PAK1: variants seen among roughly 807,000 people sequenced by gnomAD.
The protein encoded by PAK1 is p21 (RAC1) activated kinase 1.
PAK1 carries 29 observed loss-of-function variants against 67.4 expected under a neutral mutation model. That is an observed-to-expected ratio of 0.43 (90% CI 0.32 to 0.59). PAK1 has a LOEUF of 0.59. Ranked by LOEUF, PAK1 falls within the 20% of genes least tolerant of loss-of-function variation. The pLI, the probability that PAK1 is intolerant of heterozygous loss-of-function variation, is 0.07. For synonymous variants in PAK1, 223 were observed against 237.4 expected (o/e 0.94, Z 0.56); for missense variants, 337 against 670.7 (o/e 0.50, Z 5.50).
intron 1 of PAK1, among the ~76,000 whole-genome samples, chr11:77,461,145 AT>A (rs1180571449): frequency 2.0e-5 from 3 of 152,226 alleles, no homozygotes; most frequent in Non-Finnish European, 4.4e-5. Flanking sequence ...ACCTATAGAA[AT>A]TTATTCTAAA....
the PAK1 span, among the ~76,000 whole-genome samples, chr11:77,488,451 G>A: frequency 4.6e-5 from 7 of 152,048 alleles, no homozygotes; most frequent in African/African-American, 1.4e-4. Flanking sequence ...ACTAAATCAG[G>A]CACCAGTGAC....
At chr11:77,367,771 G>A (rs978446809) in intron 5 of PAK1, among the ~76,000 whole-genome samples, 2 of 152,196 alleles carry the variant, frequency 1.3e-5, no homozygotes, top group South Asian at 2.1e-4. Flanking sequence ...AACCTCAGGA[G>A]ATCGAAATCA....
chr11:77,373,997 G>T (rs986307731), intron 5 of PAK1, among the ~76,000 whole-genome samples: 2 of 152,066 alleles, frequency 1.3e-5, no homozygotes, highest in African/African-American at 4.8e-5. Context: ...CTTTCCCAAG[G>T]TTCAAAGCTA....
chr11:77,369,806 A>C (rs1592008502), intron 5 of PAK1, among the ~76,000 whole-genome samples: 1 of 152,070 alleles, frequency 6.6e-6, no homozygotes, highest in East Asian at 1.9e-4. Context: ...TGATTGCTCT[A>C]ATAGCAGGGT....
intron 1 of PAK1, among the ~76,000 whole-genome samples, chr11:77,444,471 C>T (rs1335707390): frequency 1.3e-5 from 2 of 152,112 alleles, no homozygotes; most frequent in Admixed American, 1.3e-4. Flanking sequence ...GAGAAATGTC[C>T]TGATTCACCC....
At chr11:77,328,289 T>C (rs1269184670) in intron 14 of PAK1, among the ~76,000 whole-genome samples, 2 of 152,144 alleles carry the variant, frequency 1.3e-5, no homozygotes, top group South Asian at 2.1e-4. Context: ...GAGGACCTAA[T>C]AGACATCTAC....
Position 77,408,532 on chromosome 11 carries a change from TACACAC to T in PAK1, c.-21-15997_-21-15992del, listed in dbSNP as rs377689850. Among the ~76,000 whole-genome samples the T allele has an allele frequency of 2.8e-3, 381 of 137,936 alleles. 3 individuals are homozygous for T. Among genetic ancestry groups the T allele is most frequent in the African/African-American group, 8.2e-3 (313 of 38,182 alleles). The allele number at this position is 137,936 out of a possible 152,430, so 90.5% of individuals were successfully genotyped here. A position where few individuals can be genotyped will look rare whatever the true frequency, so the allele number is the denominator to read the frequency against. ...AATTAGTAGAGCCACTATGGAGAAA[TACACAC>T]ACACACACACACACACACACACACA... is the stretch of plus-strand genomic sequence containing the variant. On this transcript the variant is annotated intron_variant, in intron 1 of 14. Coordinates refer to ENST00000356341, the MANE Select transcript of PAK1 (RefSeq NM_002576.5).
intron 1 of PAK1, among the ~76,000 whole-genome samples, chr11:77,462,345 T>C (rs1315905760): frequency 1.4e-5 from 2 of 143,916 alleles, no homozygotes; most frequent in Non-Finnish European, 3.0e-5. Flanking sequence ...AAAAAAAAAA[T>C]GTTCCGCATC....
chr11:77,478,034 G>C (rs1387886960), upstream of PAK1, among the ~76,000 whole-genome samples: 1 of 152,204 alleles, frequency 6.6e-6, no homozygotes, highest in African/African-American at 2.4e-5. Context: ...ACCATGTATA[G>C]GATGCTACGT....
chr11:77,386,806 C>T (rs1017146313), intron 2 of PAK1, among the ~76,000 whole-genome samples: 1 of 152,176 alleles, frequency 6.6e-6, no homozygotes, highest in Non-Finnish European at 1.5e-5. Context: ...CAGAATTTTG[C>T]TCTGTCACCC....
At chr11:77,429,328 T>C (rs1473318945) in intron 1 of PAK1, among the ~76,000 whole-genome samples, 2 of 152,144 alleles carry the variant, frequency 1.3e-5, no homozygotes, top group Admixed American at 6.6e-5. Flanking sequence ...AATGAGTCCA[T>C]ACTGATATAA....
chr11:77,445,244 C>A (rs950795421), intron 1 of PAK1, among the ~76,000 whole-genome samples: 10 of 152,292 alleles, frequency 6.6e-5, no homozygotes, highest in Admixed American at 2.0e-4. Flanking sequence ...AGAGGCCAGG[C>A]ACCTCCAGAG....
chr11:77,466,544 G>A (rs1005287848), intron 1 of PAK1, among the ~76,000 whole-genome samples: 6 of 151,822 alleles, frequency 4.0e-5, no homozygotes, highest in Non-Finnish European at 7.4e-5. Context: ...CAGAGCTTGC[G>A]GTGAGCCGAC....
intron 1 of PAK1, among the ~76,000 whole-genome samples, chr11:77,466,750 C>A (rs1389736271): frequency 1.3e-5 from 2 of 152,152 alleles, no homozygotes; most frequent in African/African-American, 2.4e-5. Flanking sequence ...TGATTCCCTA[C>A]CACACCGCAA....
intron 1 of PAK1, among the ~76,000 whole-genome samples, chr11:77,429,841 T>G (rs1955777630): frequency 2.0e-5 from 3 of 152,246 alleles, no homozygotes; most frequent in African/African-American, 7.2e-5. Context: ...GTTTATTTCC[T>G]GATTTTGATG....
At chr11:77,474,265 C>T (rs969390901), upstream of PAK1, 3 of 151,522 alleles carry the variant, frequency 2.0e-5, no homozygotes, top group Admixed American at 6.6e-5. Context: ...CCCCGCCTCC[C>T]GCAGGTGAGA....
chr11:77,495,319 C>G, the PAK1 span, among the ~76,000 whole-genome samples: 1 of 150,690 alleles, frequency 6.6e-6, no homozygotes, highest in Admixed American at 6.6e-5. Flanking sequence ...ACTAAAAATA[C>G]AAAAATTAGC....
At chr11:77,328,325 A>C (rs1565571414) in intron 14 of PAK1, among the ~76,000 whole-genome samples, 1 of 152,306 alleles carries the variant, frequency 6.6e-6, no homozygotes, top group East Asian at 1.9e-4. Context: ...AAATCAACAG[A>C]ATATACATTC....
At chr11:77,402,026 G>T (rs1052967666) in intron 1 of PAK1, among the ~76,000 whole-genome samples, 21 of 152,162 alleles carry the variant, frequency 1.4e-4, no homozygotes, top group African/African-American at 5.1e-4. Flanking sequence ...GGATCCTGAA[G>T]AATCAGCCAG....
Sources: gnomAD v4.1 joint callset for allele counts (sites outside exome capture counted in the v4.1 genomes callset) on GRCh38, gnomAD v4.1.1 for gene constraint, MANE v1.5 for transcripts, NCBI Gene and HGNC (gene_info 2026-07-23, HGNC 2026-07-21) for gene names.